Variants in AMPH observed in about 807,000 individuals in gnomAD.
The protein encoded by AMPH is amphiphysin (Stiff-Mann syndrome with breast cancer 128kD autoantigen).
Under a neutral mutation model 99.1 loss-of-function variants are expected in AMPH, and 49 were observed. The ratio of observed to expected loss-of-function variants is 0.49; its 90% confidence interval spans 0.39 to 0.63. The LOEUF (loss-of-function observed/expected upper bound fraction) is 0.63. AMPH is among the 20% of genes least tolerant of loss of function. The pLI is 0.00. For synonymous variants in AMPH, 314 were observed against 317.3 expected (o/e 0.99, Z 0.11); for missense variants, 759 against 863.4 (o/e 0.88, Z 1.52).
chr7:38,447,025 T>G (rs6462842), intron 11 of AMPH, among the ~76,000 whole-genome samples: 44,043 of 150,410 alleles, frequency 0.29, 7,481 homozygotes, highest in African/African-American at 0.48. Context: ...TATTTTTTTT[T>G]TTTGTTTGTT....
At chr7:38,563,324 T>A (rs890735316) in intron 1 of AMPH, among the ~76,000 whole-genome samples, 11 of 152,230 alleles carry the variant, frequency 7.2e-5, no homozygotes, top group Non-Finnish European at 1.5e-5. Context: ...TCAAATACTA[T>A]TCTCAAATTC....
At chr7:38,585,369 T>C (rs1026086369) in intron 1 of AMPH, among the ~76,000 whole-genome samples, 3 of 152,124 alleles carry the variant, frequency 2.0e-5, no homozygotes, top group African/African-American at 7.2e-5. Context: ...GTAGGGAATA[T>C]GACTTGGCCA....
chr7:38,398,127 A>C (rs1034439729), intron 17 of AMPH, among the ~76,000 whole-genome samples: 2 of 151,026 alleles, frequency 1.3e-5, no homozygotes, highest in Admixed American at 6.6e-5. Flanking sequence ...AAAAACACAA[A>C]AACTAAAAGT....
At chr7:38,571,018 TATTCATATATTGA>T (rs1791949455) in intron 1 of AMPH, among the ~76,000 whole-genome samples, 2 of 62,350 alleles carry the variant, frequency 3.2e-5, no homozygotes, top group African/African-American at 1.3e-4. Flanking sequence ...AGAATATATA[TATTCATATATTGA>T]ATATATATAG....
chr7:38,528,548 T>G (rs537946785), intron 2 of AMPH, among the ~76,000 whole-genome samples: 1 of 152,310 alleles, frequency 6.6e-6, no homozygotes, highest in East Asian at 1.9e-4. Context: ...TTATTATCCT[T>G]TAGATGGCTA....
chr7:38,613,607 T>A (rs1051747748), intron 1 of AMPH, among the ~76,000 whole-genome samples: 1 of 152,162 alleles, frequency 6.6e-6, no homozygotes, highest in East Asian at 1.9e-4. Flanking sequence ...GAACCTTTCA[T>A]AAAATGCTCT....
Position 38,429,850 on chromosome 7 carries a change from C to A in AMPH, c.1174G>T (p.Val392Leu). The A allele has an allele frequency of 6.2e-7, 1 of 1,605,724 alleles. No individual in the cohort carries two copies. The highest frequency in any genetic ancestry group is 8.5e-7 in the Non-Finnish European group (1 of 1,178,058). Residue 392 changes from valine to leucine, a missense_variant, in exon 14 of 21, where the codon GTA becomes TTA. Coordinates refer to ENST00000356264, the MANE Select transcript of AMPH (RefSeq NM_001635.4). The part of the protein sequence containing the change: ...WDLWTTSTDL[V>L]QPASGGSFNG... ...TCTGGATATTTACCTACCGGCTGTA[C>A]CAAATCAGTGCTTGTCTGTATGGGT... is the stretch of plus-strand genomic sequence containing the variant.
At chr7:38,400,634 G>A (rs1331139803) in intron 17 of AMPH, among the ~76,000 whole-genome samples, 2 of 152,208 alleles carry the variant, frequency 1.3e-5, no homozygotes, top group Admixed American at 6.5e-5. Context: ...CAAGGACCAA[G>A]ACCCCCAAAC....
rs1410210941 is a variant in AMPH at position 38,394,526 on chromosome 7, C to A, written c.1399-312G>T. Reference sequence around the variant, plus strand: ...TTTAAGGTGTAGGTGGTCCTCTCCACAAGCTATTTCCATTTTTATTGGCTG... The same window carrying A: ...TTTAAGGTGTAGGTGGTCCTCTCCAAAAGCTATTTCCATTTTTATTGGCTG... On this transcript the variant is annotated intron_variant, in intron 17 of 20. Coordinates refer to ENST00000356264, the MANE Select transcript of AMPH (RefSeq NM_001635.4). 2.0e-5 allele frequency among the ~76,000 whole-genome samples: 3 copies of A among 152,184 alleles called. No homozygotes were observed. The East Asian group carries it at 5.8e-4, about 29-fold the overall frequency.
intron 1 of AMPH, among the ~76,000 whole-genome samples, chr7:38,621,699 T>G (rs1386323707): frequency 6.6e-6 from 1 of 152,198 alleles, no homozygotes; most frequent in Non-Finnish European, 1.5e-5. Context: ...AATAACTGCA[T>G]GAGAGTAAGA....
chr7:38,611,557 T>C (rs1304984941), intron 1 of AMPH, among the ~76,000 whole-genome samples: 1 of 152,250 alleles, frequency 6.6e-6, no homozygotes, highest in Non-Finnish European at 1.5e-5. Flanking sequence ...GAATATCTGA[T>C]TCACCTCTAC....
chr7:38,457,185 C>T (rs1381563092), intron 11 of AMPH, among the ~76,000 whole-genome samples: 3 of 152,110 alleles, frequency 2.0e-5, no homozygotes, highest in Non-Finnish European at 4.4e-5. Context: ...CAGATATCAA[C>T]ACAATGAAAC....
chr7:38,483,921 A>G (rs1398748891), intron 5 of AMPH, among the ~76,000 whole-genome samples: 1 of 152,114 alleles, frequency 6.6e-6, no homozygotes, highest in Non-Finnish European at 1.5e-5. Context: ...ACAAAGTGAT[A>G]TAGAAAATAT....
In AMPH at chr7:38,574,556, A is replaced by G. The variant is rs375660759; in HGVS notation, c.70-39545T>C. Reference sequence around the variant, plus strand: ...GCTGTTCACACAGCCTCTGCCACTTACAAGGGAGAGAAAACGGGTGGCCTG... The same window carrying G: ...GCTGTTCACACAGCCTCTGCCACTTGCAAGGGAGAGAAAACGGGTGGCCTG... On this transcript the variant is annotated intron_variant, in intron 1 of 20. Coordinates refer to ENST00000356264, the MANE Select transcript of AMPH (RefSeq NM_001635.4). 1.5e-4 allele frequency among the ~76,000 whole-genome samples: 23 copies of G among 152,358 alleles called. 1 individual carries two copies. In the Middle Eastern group the frequency reaches 0.024, roughly 158 times the overall value.
chr7:38,546,441 G>A (rs191100854), intron 1 of AMPH, among the ~76,000 whole-genome samples: 9 of 152,230 alleles, frequency 5.9e-5, no homozygotes, highest in East Asian at 1.9e-4. Context: ...TATTTTGTAG[G>A]AGACCTATGT....
intron 5 of AMPH, among the ~76,000 whole-genome samples, chr7:38,479,129 A>T (rs898358669): frequency 2.0e-5 from 3 of 152,114 alleles, no homozygotes; most frequent in Non-Finnish European, 2.9e-5. Context: ...AGAATACCAA[A>T]AAGGAAAAAT....
intron 12 of AMPH, 65 bp downstream of exon 12, chr7:38,436,207 G>T: frequency 8.5e-7 from 1 of 1,177,286 alleles, no homozygotes; most frequent in Non-Finnish European, 1.3e-6. Context: ...AGGGATCATT[G>T]GTTACCACAC....
At chr7:38,567,874 T>C (rs1348678342) in intron 1 of AMPH, among the ~76,000 whole-genome samples, 1 of 152,196 alleles carries the variant, frequency 6.6e-6, no homozygotes, top group Non-Finnish European at 1.5e-5. Context: ...TGAATCTATA[T>C]TGAAAATTTT....
At chr7:38,539,116 C>A (rs969739590) in intron 1 of AMPH, among the ~76,000 whole-genome samples, 1 of 152,056 alleles carries the variant, frequency 6.6e-6, no homozygotes, top group Non-Finnish European at 1.5e-5. Flanking sequence ...GACTGGGGAC[C>A]CAGAGGTATG....
Sources: allele counts gnomAD v4.1 joint callset (sites outside exome capture counted in the v4.1 genomes callset), GRCh38; gene constraint gnomAD v4.1.1; transcripts MANE v1.5; gene names NCBI Gene and HGNC (gene_info 2026-07-23, HGNC 2026-07-21).